The following RGS17 variants were observed in gnomAD, a reference collection of about 807,000 sequenced individuals.
RGS17 encodes the protein regulator of G-protein signaling 17.
Under a neutral mutation model 25.5 loss-of-function variants are expected in RGS17, and 12 were observed. The ratio of observed to expected loss-of-function variants is 0.47; its 90% confidence interval spans 0.30 to 0.76. The LOEUF is 0.76. Among genes scored for constraint, RGS17 ranks in the 30% least tolerant of loss-of-function variants. The probability of loss-of-function intolerance (pLI) is 0.07; values close to 1 mark genes in which losing one functional copy is unlikely to be tolerated. For missense variants in RGS17, 196 were observed against 242.2 expected (o/e 0.81, Z 1.27); for synonymous variants, 71 against 76.9 (o/e 0.92, Z 0.40).
intron 1 of RGS17, among the ~76,000 whole-genome samples, chr6:153,053,603 C>G (rs1356292697): frequency 1.3e-5 from 2 of 152,014 alleles, no homozygotes; most frequent in Non-Finnish European, 2.9e-5. Flanking sequence ...CCTGGTAACA[C>G]AGTGAGCCTC....
chr6:153,035,759 T>C (rs1164421087), intron 2 of RGS17, among the ~76,000 whole-genome samples: 1 of 152,148 alleles, frequency 6.6e-6, no homozygotes, highest in Non-Finnish European at 1.5e-5. Flanking sequence ...GGAAGGAAAA[T>C]CCAACTTCTC....
At chr6:153,037,263 G>A (rs1221669807) in intron 2 of RGS17, among the ~76,000 whole-genome samples, 1 of 151,734 alleles carries the variant, frequency 6.6e-6, no homozygotes, top group Non-Finnish European at 1.5e-5. Flanking sequence ...AAATCTGGTG[G>A]CCTGGGAGAA....
intron 1 of RGS17, among the ~76,000 whole-genome samples, chr6:153,121,283 T>C (rs558964356): frequency 9.8e-4 from 150 of 152,330 alleles, no homozygotes; most frequent in Non-Finnish European, 1.8e-3. Flanking sequence ...CCTTTGTTGC[T>C]GCCTCTCTCT....
At chr6:153,052,373 C>T (rs1334583308) in intron 1 of RGS17, among the ~76,000 whole-genome samples, 1 of 152,178 alleles carries the variant, frequency 6.6e-6, no homozygotes, top group Admixed American at 6.5e-5. Context: ...AAAGCTATCA[C>T]TCTTTTCTTC....
chr6:153,069,825 T>A (rs1327328078), intron 1 of RGS17, among the ~76,000 whole-genome samples: 1 of 151,772 alleles, frequency 6.6e-6, no homozygotes, highest in South Asian at 2.1e-4. Context: ...TTGGAGAGGA[T>A]TTATGGTCTT....
At chr6:153,022,748 A>G (rs949372621) in intron 4 of RGS17, among the ~76,000 whole-genome samples, 2 of 152,236 alleles carry the variant, frequency 1.3e-5, no homozygotes, top group Admixed American at 6.5e-5. Flanking sequence ...TTATACTGAT[A>G]AAATACAAGT....
chr6:153,056,181 A>G (rs1776553888), intron 1 of RGS17, among the ~76,000 whole-genome samples: 1 of 152,238 alleles, frequency 6.6e-6, no homozygotes, highest in South Asian at 2.1e-4. Flanking sequence ...GTTATGTTCA[A>G]TTCTGCTCAC....
At chr6:153,031,418 C>T (rs529282344) in intron 2 of RGS17, among the ~76,000 whole-genome samples, 2 of 152,334 alleles carry the variant, frequency 1.3e-5, no homozygotes, top group South Asian at 4.1e-4. Context: ...TAAATAGAGA[C>T]TTCTCCTTTG....
intron 1 of RGS17, among the ~76,000 whole-genome samples, chr6:153,078,605 A>AAAT (rs78722146): frequency 0.52 from 78,655 of 151,126 alleles, 20,891 homozygotes; most frequent in Non-Finnish European, 0.57. Context: ...TTATATAGTA[A>AAAT]AATAATACTT....
At chr6:153,021,415 T>C (rs991924391) in intron 4 of RGS17, among the ~76,000 whole-genome samples, 2 of 152,204 alleles carry the variant, frequency 1.3e-5, no homozygotes, top group Admixed American at 6.5e-5. Context: ...ACATAATAGA[T>C]TGAACTGGCT....
intron 1 of RGS17, among the ~76,000 whole-genome samples, chr6:153,062,396 G>C (rs1454561257): frequency 6.6e-6 from 1 of 152,140 alleles, no homozygotes; most frequent in Non-Finnish European, 1.5e-5. Flanking sequence ...GGGAAAACTG[G>C]ACCAAATTCA....
intron 1 of RGS17, among the ~76,000 whole-genome samples, chr6:153,059,850 AT>A (rs767406584): frequency 6.6e-6 from 1 of 152,202 alleles, no homozygotes; most frequent in Non-Finnish European, 1.5e-5. Context: ...CCAAATAACA[AT>A]TTTAACATAA....
intron 1 of RGS17, among the ~76,000 whole-genome samples, chr6:153,117,761 A>T (rs570022720): frequency 1.2e-4 from 18 of 152,336 alleles, no homozygotes; most frequent in African/African-American, 4.3e-4. Flanking sequence ...CCTATTTATT[A>T]TCACATCAGT....
chr6:153,097,624 C>G (rs1273479260), intron 1 of RGS17, among the ~76,000 whole-genome samples: 1 of 151,892 alleles, frequency 6.6e-6, no homozygotes, highest in Non-Finnish European at 1.5e-5. Flanking sequence ...GTGTTGTAGA[C>G]TGAATTCATG....
chr6:153,064,446 T>C (rs563609980), intron 1 of RGS17, among the ~76,000 whole-genome samples: 2 of 152,158 alleles, frequency 1.3e-5, no homozygotes, highest in African/African-American at 2.4e-5. Context: ...CTGGCTAACA[T>C]GGTGAAACCC....
chr6:153,069,850 C>T (rs1430676764), intron 1 of RGS17, among the ~76,000 whole-genome samples: 2 of 151,464 alleles, frequency 1.3e-5, no homozygotes, highest in African/African-American at 2.4e-5. Context: ...CACTTCAGTA[C>T]GTTATTTATT....
chr6:153,083,954 T>C (rs1263030611), intron 1 of RGS17, among the ~76,000 whole-genome samples: 2 of 152,240 alleles, frequency 1.3e-5, no homozygotes, highest in Non-Finnish European at 2.9e-5. Flanking sequence ...TCTCATTTTA[T>C]GAAATAGGAA....
intron 1 of RGS17, among the ~76,000 whole-genome samples, chr6:153,077,334 A>G (rs1381956619): frequency 1.0e-4 from 14 of 138,120 alleles, no homozygotes; most frequent in African/African-American, 3.7e-4. Context: ...TTTGGATTAG[A>G]TCCTGCATGG....
chr6:153,089,382 G>C (rs967040430), intron 1 of RGS17, among the ~76,000 whole-genome samples: 4 of 152,036 alleles, frequency 2.6e-5, no homozygotes, highest in African/African-American at 9.7e-5. Context: ...ATAGAAATAA[G>C]TCCATTTTTG....
Sources: gnomAD v4.1 joint callset for allele counts (sites outside exome capture counted in the v4.1 genomes callset) on GRCh38, gnomAD v4.1.1 for gene constraint, MANE v1.5 for transcripts, NCBI Gene and HGNC (gene_info 2026-07-23, HGNC 2026-07-21) for gene names.